Variants in SYT17 observed in about 807,000 individuals in gnomAD.
The protein encoded by SYT17 is synaptotagmin-17.
SYT17 carries 22 observed loss-of-function variants against 46.7 expected under a neutral mutation model. The ratio of observed to expected loss-of-function variants is 0.47; its 90% CI spans 0.34 to 0.67. SYT17 has a LOEUF of 0.67. Among genes scored for constraint, SYT17 ranks in the 30% least tolerant of loss-of-function variants. SYT17 has a pLI of 0.01. For missense variants in SYT17, 519 were observed against 612.8 expected, an observed-to-expected ratio of 0.85 and a Z score of 1.62; for synonymous variants, 251 against 248.4, an observed-to-expected ratio of 1.01 and a Z score of -0.10.
rs546209801 is a variant in SYT17 at position 19,224,158 on chromosome 16, CTGAAA to C, written c.1073-521_1073-517del. On this transcript the variant is annotated intron_variant, in intron 6 of 7. Coordinates refer to ENST00000355377, the MANE Select transcript of SYT17 (RefSeq NM_016524.4). The stretch of plus-strand genomic sequence containing the variant: ...CACCTGTATATGGGCTATGGGCTCA[CTGAAA>C]TGATAATGGGTTTCCACAGACAGAA... Among the ~76,000 whole-genome samples, 876 of 152,300 alleles carry C rather than the reference CTGAAA, an allele frequency of 5.8e-3. 8 individuals carry two copies. The highest frequency in any genetic ancestry group is 0.02 in the African/African-American group (843 of 41,550).
At chr16:19,175,645 CAAAAA>C (rs34788366) in intron 3 of SYT17, among the ~76,000 whole-genome samples, 21 of 67,788 alleles carry the variant, frequency 3.1e-4, no homozygotes, top group South Asian at 6.8e-4. Context: ...AGCAAGACTT[CAAAAA>C]AAAAAAAAAA....
chr16:19,258,607 A>G (rs2239984), intron 7 of SYT17, among the ~76,000 whole-genome samples: 70,085 of 151,996 alleles, frequency 0.46, 16,830 homozygotes, highest in East Asian at 0.61. Context: ...ATACCACTGC[A>G]CTCCAGCCTG....
chr16:19,252,971 A>G (rs372912898), intron 7 of SYT17, among the ~76,000 whole-genome samples: 1 of 152,190 alleles, frequency 6.6e-6, no homozygotes, highest in Non-Finnish European at 1.5e-5. Context: ...CTGATTCAGT[A>G]TAGCTGTGTG....
intron 7 of SYT17, among the ~76,000 whole-genome samples, chr16:19,233,004 G>C (rs767230640): frequency 4.6e-5 from 7 of 152,128 alleles, no homozygotes; most frequent in Non-Finnish European, 8.8e-5. Flanking sequence ...CCAGGCGTCT[G>C]GGTTTTTTGG....
chr16:19,173,250 T>C (rs577620592), intron 2 of SYT17, 180 bp from the exon 3 acceptor site: 8 of 557,928 alleles, frequency 1.4e-5, no homozygotes, highest in East Asian at 3.0e-5. Flanking sequence ...AGTTGGTAAA[T>C]AGAAATGGAA....
chr16:19,205,001 C>T (rs1424830672), intron 5 of SYT17, among the ~76,000 whole-genome samples: 1 of 152,176 alleles, frequency 6.6e-6, no homozygotes. Flanking sequence ...CCTTCAAACC[C>T]TTCTACTCCT....
intron 3 of SYT17, among the ~76,000 whole-genome samples, chr16:19,176,210 C>T (rs1964307566): frequency 6.6e-6 from 1 of 152,162 alleles, no homozygotes; most frequent in African/African-American, 2.4e-5. Flanking sequence ...CTCCATGTGG[C>T]AGCACTAGAC....
chr16:19,250,594 G>A (rs1967988168), intron 7 of SYT17, among the ~76,000 whole-genome samples: 2 of 152,044 alleles, frequency 1.3e-5, no homozygotes, highest in South Asian at 4.1e-4. Flanking sequence ...GGCTGGTCTC[G>A]AACTCCTGGG....
intron 5 of SYT17, among the ~76,000 whole-genome samples, chr16:19,210,791 G>A (rs114132797): frequency 0.01 from 1,595 of 152,246 alleles, 29 homozygotes; most frequent in African/African-American, 0.036. Flanking sequence ...ATAAGGGGGC[G>A]CAGAGCAGCT....
At chr16:19,244,260 G>T (rs1279301932) in intron 7 of SYT17, among the ~76,000 whole-genome samples, 1 of 152,208 alleles carries the variant, frequency 6.6e-6, no homozygotes, top group East Asian at 1.9e-4. Flanking sequence ...ATCAGTTAAG[G>T]TGTGGCTAGC....
intron 5 of SYT17, among the ~76,000 whole-genome samples, chr16:19,199,974 T>C (rs1485138617): frequency 2.0e-5 from 3 of 152,184 alleles, no homozygotes; most frequent in Non-Finnish European, 4.4e-5. Flanking sequence ...GTCTTTACTA[T>C]CCCTATTGTA....
intron 5 of SYT17, among the ~76,000 whole-genome samples, chr16:19,186,376 C>T (rs1165916866): frequency 7.3e-5 from 11 of 151,470 alleles, no homozygotes; most frequent in African/African-American, 2.2e-4. Flanking sequence ...CCCAGCTACT[C>T]GGGAGGCTGA....
At chr16:19,186,680 C>CT (rs1175508630) in intron 5 of SYT17, among the ~76,000 whole-genome samples, 1 of 152,226 alleles carries the variant, frequency 6.6e-6, no homozygotes, top group Non-Finnish European at 1.5e-5. Flanking sequence ...TAAATGCCTT[C>CT]TGTCTCTCAT....
At chr16:19,236,595 G>T (rs970530973) in intron 7 of SYT17, among the ~76,000 whole-genome samples, 12 of 152,144 alleles carry the variant, frequency 7.9e-5, no homozygotes, top group African/African-American at 2.9e-4. Flanking sequence ...TCAGGAAAGT[G>T]CTACTTATGA....
At chr16:19,240,671 C>A (rs565098291) in intron 7 of SYT17, among the ~76,000 whole-genome samples, 1 of 152,188 alleles carries the variant, frequency 6.6e-6, no homozygotes, top group Admixed American at 6.5e-5. Flanking sequence ...GGTTTGAAGG[C>A]GGGGCTTCAC....
At chr16:19,190,384 A>G (rs763531259) in intron 5 of SYT17, among the ~76,000 whole-genome samples, 7 of 152,190 alleles carry the variant, frequency 4.6e-5, no homozygotes, top group Admixed American at 2.6e-4. Flanking sequence ...AATTTAAAAA[A>G]AAATTATTAG....
At chr16:19,202,706 A>G (rs939186063) in intron 5 of SYT17, among the ~76,000 whole-genome samples, 8 of 152,168 alleles carry the variant, frequency 5.3e-5, no homozygotes, top group Non-Finnish European at 1.2e-4. Flanking sequence ...CACTCTGATC[A>G]TTCTGGAGAT....
rs1416739821 is a variant in SYT17 at position 19,268,201 on chromosome 16, CTCTCTCTCTCTCTT to C, written c.*1142_*1155del. ...GAATTAGTGTAGTTAGAATAGATCT[CTCTCTCTCTCTCTT>C]TCTCTCTCTCTCTTTCCTCTCTCTC... On this transcript the variant is annotated 3_prime_UTR_variant, in exon 8 of 8. Coordinates refer to ENST00000355377, the MANE Select transcript of SYT17 (RefSeq NM_016524.4). 1.9e-5 allele frequency: 2 copies of C among 107,528 alleles called. No homozygotes were observed. The highest frequency in any genetic ancestry group is 3.9e-5 in the Non-Finnish European group (2 of 50,958). The allele number at this position is 107,528 out of a possible 1,614,324, so 6.7% of individuals were successfully genotyped here.
chr16:19,173,074 T>G, intron 2 of SYT17: 1 of 569,568 alleles, frequency 1.8e-6, no homozygotes, highest in Non-Finnish European at 3.1e-6. Context: ...GAAGACACAG[T>G]AATATTCATT....
Sources: gnomAD v4.1 joint callset for allele counts (sites outside exome capture counted in the v4.1 genomes callset) on GRCh38, gnomAD v4.1.1 for gene constraint, MANE v1.5 for transcripts, NCBI Gene and HGNC (gene_info 2026-07-23, HGNC 2026-07-21) for gene names.